PACSIN2: variants seen among roughly 807,000 people sequenced by gnomAD.
The protein encoded by PACSIN2 is protein kinase C and casein kinase substrate in neurons 2, also known as protein kinase C and casein kinase substrate in neurons protein 2.
In PACSIN2, 25 loss-of-function variants were observed where a neutral mutation model predicts 63.8. The ratio of observed to expected loss-of-function variants is 0.39; its 90% CI spans 0.29 to 0.55. PACSIN2 has a LOEUF of 0.55. Among genes scored for constraint, PACSIN2 ranks in the 20% least tolerant of loss-of-function variants. The probability of loss-of-function intolerance (pLI) is 0.62; values close to 1 mark genes in which losing one functional copy is unlikely to be tolerated. For missense variants in PACSIN2, 518 were observed against 646.9 expected, an observed-to-expected ratio of 0.80 and a Z score of 2.16; for synonymous variants, 255 against 256.2, an observed-to-expected ratio of 1.00 and a Z score of 0.05.
At chr22:42,874,950 A>G (rs1421513211) in intron 10 of PACSIN2, among the ~76,000 whole-genome samples, 1 of 149,616 alleles carries the variant, frequency 6.7e-6, no homozygotes, top group Non-Finnish European at 1.5e-5. Context: ...TCCCGGGTTC[A>G]AGCAATTTTC....
chr22:42,953,417 T>C (rs1933784126), intron 1 of PACSIN2, among the ~76,000 whole-genome samples: 1 of 152,156 alleles, frequency 6.6e-6, no homozygotes, highest in African/African-American at 2.4e-5. Flanking sequence ...AAATTACATG[T>C]CTATGCAAAT....
At chr22:42,991,811 A>G (rs1923062110) in intron 1 of PACSIN2, among the ~76,000 whole-genome samples, 1 of 67,866 alleles carries the variant, frequency 1.5e-5, no homozygotes, top group African/African-American at 1.0e-4. Flanking sequence ...CTATCCACAG[A>G]CAAAAAAAAA....
chr22:42,922,404 C>T (rs1932253323), intron 1 of PACSIN2, among the ~76,000 whole-genome samples: 2 of 131,824 alleles, frequency 1.5e-5, no homozygotes, highest in South Asian at 2.6e-4. Flanking sequence ...AAAGCAAGAA[C>T]ATTCTGAGTA....
Position 42,878,289 on chromosome 22 carries a change from C to T in PACSIN2, c.1028+759G>A, listed in dbSNP as rs754553532. The stretch of plus-strand genomic sequence containing the variant: ...CCTGCCCAGACAGCGTGCAAAGCAG[C>T]GGAATGACGACAGCCACACCTGCTG... On this transcript the variant is annotated intron_variant, in intron 8 of 10. Transcript: ENST00000263246. 7.9e-5 allele frequency among the ~76,000 whole-genome samples: 12 copies of T among 152,382 alleles called. No individual in the cohort carries two copies. In the South Asian group the frequency reaches 1.0e-3, roughly 13 times the overall value.
rs1305488558 is a variant in PACSIN2, at chr22:42,876,877, T to A, written c.1151+11A>T. ...GCGCGGTGGGAGCAGAGGAAGCATT[T>A]GTTCACCAACTTTTTGGCCTTAGTG... is the stretch of plus-strand genomic sequence containing the variant. On this transcript the variant is annotated intron_variant, in intron 9 of 10. Coordinates refer to ENST00000263246, the MANE Select transcript of PACSIN2 (RefSeq NM_001184970.3). The A allele has an allele frequency of 6.2e-7, 1 of 1,613,988 alleles. No individual in the cohort carries two copies. Among genetic ancestry groups the A allele is most frequent in the Non-Finnish European group, 8.5e-7 (1 of 1,179,968 alleles).
At chr22:43,004,608 G>A (rs1238732212) in intron 1 of PACSIN2, among the ~76,000 whole-genome samples, 1 of 152,168 alleles carries the variant, frequency 6.6e-6, no homozygotes, top group African/African-American at 2.4e-5. Flanking sequence ...ATCTTGGCAC[G>A]CTCGGTTGGC....
intron 1 of PACSIN2, among the ~76,000 whole-genome samples, chr22:43,006,942 G>A (rs1306534605): frequency 1.3e-5 from 2 of 152,206 alleles, no homozygotes; most frequent in Non-Finnish European, 2.9e-5. Flanking sequence ...CTTCTCATTA[G>A]AGTGGAGCCA....
At chr22:42,974,976 T>G (rs1921590453) in intron 1 of PACSIN2, among the ~76,000 whole-genome samples, 1 of 152,094 alleles carries the variant, frequency 6.6e-6, no homozygotes, top group Non-Finnish European at 1.5e-5. Context: ...AGCTGACCTT[T>G]GAGTAGACTG....
intron 1 of PACSIN2, among the ~76,000 whole-genome samples, chr22:42,982,797 T>C (rs1159032620): frequency 2.2e-5 from 3 of 137,438 alleles, no homozygotes; most frequent in Non-Finnish European, 4.6e-5. Context: ...GTTTATCTGC[T>C]GACCTTCCCT....
At chr22:42,913,584 T>C (rs1388626229) in intron 1 of PACSIN2, among the ~76,000 whole-genome samples, 2 of 151,992 alleles carry the variant, frequency 1.3e-5, no homozygotes, top group Admixed American at 1.3e-4. Flanking sequence ...ACTTGGCCCT[T>C]AGTAAGTGCT....
At chr22:42,894,429 G>A (rs1930138608) in intron 2 of PACSIN2, among the ~76,000 whole-genome samples, 2 of 152,164 alleles carry the variant, frequency 1.3e-5, no homozygotes, top group Non-Finnish European at 2.9e-5. Flanking sequence ...TTTTAGTGGA[G>A]ACAGGGTTTC....
At chr22:42,893,139 G>A (rs1200414811) in intron 3 of PACSIN2, among the ~76,000 whole-genome samples, 1 of 152,166 alleles carries the variant, frequency 6.6e-6, no homozygotes, top group African/African-American at 2.4e-5. Context: ...GGTGCCAAGC[G>A]GCAAGGCCTT....
In PACSIN2 at chr22:42,976,502, T is replaced by G. The variant is rs116878654; in HGVS notation, c.-78+38519A>C. 6.6e-4 allele frequency among the ~76,000 whole-genome samples: 101 copies of G among 152,338 alleles called. No homozygotes were observed. The East Asian group carries it at 0.018, about 27-fold the overall frequency. ...GTGCTAAATGCAGGCCTCCCTGTCATGCCTGGAGTGTCACAGAATGGCCAC... is the reference window on the plus strand; with the variant it reads ...GTGCTAAATGCAGGCCTCCCTGTCAGGCCTGGAGTGTCACAGAATGGCCAC... On this transcript the variant is annotated intron_variant, in intron 1 of 10. Coordinates refer to ENST00000263246, the MANE Select transcript of PACSIN2 (RefSeq NM_001184970.3).
At chr22:42,877,909 C>G (rs1307851173) in intron 8 of PACSIN2, among the ~76,000 whole-genome samples, 1 of 152,214 alleles carries the variant, frequency 6.6e-6, no homozygotes, top group Non-Finnish European at 1.5e-5. Flanking sequence ...ACCCACCACC[C>G]CAGAACCAAG....
rs546404223 is a variant in PACSIN2 at position 42,967,626 on chromosome 22, C to T, written c.-78+47395G>A. ...CAAATGGGCCGGGCGCGGTGGCTCA[C>T]GCCTGTAATCCCAGCACTTTGGGAG... On this transcript the variant is annotated intron_variant, in intron 1 of 10. Coordinates refer to ENST00000263246, the MANE Select transcript of PACSIN2 (RefSeq NM_001184970.3). Among the ~76,000 whole-genome samples the T allele has an allele frequency of 1.9e-3, 287 of 152,310 alleles. 1 individual carries two copies. The highest frequency in any genetic ancestry group is 3.4e-3 in the Non-Finnish European group (230 of 68,026).
At chr22:42,910,840 T>C (rs5759028) in intron 2 of PACSIN2, among the ~76,000 whole-genome samples, 31,515 of 151,990 alleles carry the variant, frequency 0.21, 5,528 homozygotes, top group East Asian at 0.73. Flanking sequence ...GAAGCCAGCT[T>C]CTGGAGGGCA....
rs373105276 is a variant in PACSIN2 at position 43,011,454 on chromosome 22, C to T, written c.-78+3567G>A. On this transcript the variant is annotated intron_variant, in intron 1 of 10. Coordinates refer to ENST00000263246, the MANE Select transcript of PACSIN2 (RefSeq NM_001184970.3). ...AGAGAGCATCTGGTAAATGCCACTG[C>T]GAACTCTAAACACAAGGTGCCATCA... Among the ~76,000 whole-genome samples, 3 of 152,272 alleles carry T rather than the reference C, an allele frequency of 2.0e-5. No individual in the cohort carries two copies. In the East Asian group the frequency reaches 5.8e-4, roughly 29 times the overall value.
At chr22:43,002,887 C>T (rs1198308923) in intron 1 of PACSIN2, among the ~76,000 whole-genome samples, 1 of 152,128 alleles carries the variant, frequency 6.6e-6, no homozygotes, top group African/African-American at 2.4e-5. Flanking sequence ...ATGGAAAATA[C>T]TTGAGAAAAT....
Position 42,879,132 on chromosome 22 carries a change from C to G in PACSIN2, c.944G>C (p.Arg315Thr). The change falls in exon 8 of 11, where the codon AGA (arginine) becomes ACA (threonine). Residue 315 changes from arginine (R) to threonine (T), a missense_variant. This residue lies in a region of PACSIN2 where 507 missense variants were observed against 612.3 expected (regional missense o/e 0.83). Transcript: ENST00000263246. The part of the protein sequence containing the change: ...SADLNRTLSR[R>T]EKKKATDGVT... ...GCCGTCAGTGGCCTTCTTCTTCTCT[C>G]TCCGGCTGAGGGTTCGATTCAGGTC... 3 of 1,614,068 alleles carry G rather than the reference C, an allele frequency of 1.9e-6. No homozygotes were observed. The highest frequency in any genetic ancestry group is 1.7e-6 in the Non-Finnish European group (2 of 1,179,970).
Sources: allele counts gnomAD v4.1 joint callset (sites outside exome capture counted in the v4.1 genomes callset), GRCh38; gene constraint gnomAD v4.1.1; regional missense constraint gnomAD v4.1.1; transcripts MANE v1.5; gene names NCBI Gene and HGNC (gene_info 2026-07-23, HGNC 2026-07-21).